Variants in SLC4A4 observed in about 807,000 individuals in gnomAD.
SLC4A4 encodes solute carrier family 4 member 4, also known as electrogenic sodium bicarbonate cotransporter 1.
SLC4A4 carries 27 observed loss-of-function variants against 111.5 expected under a neutral mutation model. The observed-to-expected ratio is 0.24, with a 90% confidence interval of 0.18 to 0.33. The LOEUF (loss-of-function observed/expected upper bound fraction) is 0.33, where lower values mean the gene tolerates loss of function less well. Among genes scored for constraint, SLC4A4 ranks in the 10% least tolerant of loss-of-function variants. The pLI is 1.00. For missense variants in SLC4A4, 909 were observed against 1,315.5 expected (o/e 0.69, Z 4.78); for synonymous variants, 443 against 463.4 (o/e 0.96, Z 0.57).
chr4:71,269,650 G>A (rs966892645), intron 3 of SLC4A4, among the ~76,000 whole-genome samples: 1 of 152,194 alleles, frequency 6.6e-6, no homozygotes, highest in Non-Finnish European at 1.5e-5. Context: ...CATTTGTCAT[G>A]TACTATAGAC....
At chr4:71,561,835 A>C (rs920698053) in intron 23 of SLC4A4, among the ~76,000 whole-genome samples, 6 of 151,852 alleles carry the variant, frequency 4.0e-5, no homozygotes, top group Non-Finnish European at 8.8e-5. Flanking sequence ...ATATTAAAAT[A>C]ATTAAAGCAG....
At chr4:71,379,805 T>C (rs990150415) in intron 6 of SLC4A4, among the ~76,000 whole-genome samples, 1 of 152,132 alleles carries the variant, frequency 6.6e-6, no homozygotes, top group African/African-American at 2.4e-5. Flanking sequence ...TCATCTAGAT[T>C]TCTTTATTTG....
chr4:71,529,538 C>T (rs1733736012), intron 16 of SLC4A4, among the ~76,000 whole-genome samples: 1 of 151,986 alleles, frequency 6.6e-6, no homozygotes, highest in Non-Finnish European at 1.5e-5. Context: ...GCAGGGCGTC[C>T]AGTTTATGGA....
intron 2 of SLC4A4, among the ~76,000 whole-genome samples, chr4:71,167,089 A>T (rs192257216): frequency 6.6e-6 from 1 of 152,286 alleles, no homozygotes; most frequent in Non-Finnish European, 1.5e-5. Flanking sequence ...AGTGGTTAGG[A>T]TTCCAGCTGA....
At chr4:71,146,278 T>C (rs962791920) in intron 2 of SLC4A4, among the ~76,000 whole-genome samples, 20 of 152,250 alleles carry the variant, frequency 1.3e-4, no homozygotes, top group African/African-American at 4.6e-4. Context: ...TTCTTAATTC[T>C]GAGTTCTAGT....
chr4:71,088,550 T>C (rs1466569730), intron 1 of SLC4A4, among the ~76,000 whole-genome samples: 10 of 152,058 alleles, frequency 6.6e-5, no homozygotes, highest in Admixed American at 6.6e-4. Flanking sequence ...TACCAGTTGT[T>C]CCTTTCCATG....
chr4:71,309,859 A>G (rs1725997870), intron 3 of SLC4A4, among the ~76,000 whole-genome samples: 1 of 152,118 alleles, frequency 6.6e-6, no homozygotes, highest in Non-Finnish European at 1.5e-5. Flanking sequence ...AGTAGGCTTC[A>G]GAAAGTGGGT....
At chr4:71,181,088 C>T (rs986783557) in intron 2 of SLC4A4, among the ~76,000 whole-genome samples, 4 of 151,644 alleles carry the variant, frequency 2.6e-5, no homozygotes, top group South Asian at 2.1e-4. Flanking sequence ...AGCCGGAAAC[C>T]ATCACTCTCA....
intron 2 of SLC4A4, among the ~76,000 whole-genome samples, chr4:71,121,069 C>T (rs1297521311): frequency 2.0e-5 from 3 of 152,192 alleles, no homozygotes; most frequent in Non-Finnish European, 2.9e-5. Flanking sequence ...GCTTAGCACC[C>T]AGGCTAGCAG....
intron 1 of SLC4A4, among the ~76,000 whole-genome samples, chr4:71,087,748 G>A (rs1483472793): frequency 1.3e-5 from 2 of 152,176 alleles, no homozygotes; most frequent in South Asian, 2.1e-4. Flanking sequence ...GTTCTAGTTC[G>A]ATTGCACTGT....
At chr4:71,141,460 C>T (rs1743993362) in intron 2 of SLC4A4, among the ~76,000 whole-genome samples, 1 of 152,178 alleles carries the variant, frequency 6.6e-6, no homozygotes, top group Non-Finnish European at 1.5e-5. Context: ...TTTCCCATCT[C>T]AGAAGCTGTG....
intron 6 of SLC4A4, among the ~76,000 whole-genome samples, chr4:71,381,424 A>C (rs1052499819): frequency 6.6e-6 from 1 of 152,106 alleles, no homozygotes. Context: ...ATAGTGGCTC[A>C]GGTTATATTT....
At chr4:71,189,479 G>GATA in intron 1 of SLC4A4, among the ~76,000 whole-genome samples, 1 of 152,148 alleles carries the variant, frequency 6.6e-6, no homozygotes, top group Admixed American at 6.5e-5. Context: ...GATAGAAATC[G>GATA]GGTAACCTTT....
chr4:71,194,133 T>C (rs911586525), intron 1 of SLC4A4, among the ~76,000 whole-genome samples: 7 of 152,230 alleles, frequency 4.6e-5, no homozygotes, highest in Non-Finnish European at 8.8e-5. Context: ...ATTGAACATC[T>C]AGCTCTCTTA....
chr4:71,506,792 A>G (rs906516278), intron 16 of SLC4A4, among the ~76,000 whole-genome samples: 1 of 152,122 alleles, frequency 6.6e-6, no homozygotes, highest in African/African-American at 2.4e-5. Context: ...ACACATAATC[A>G]TCAGATTCTC....
chr4:71,228,928 T>TTCTC (rs1015880298), intron 1 of SLC4A4, among the ~76,000 whole-genome samples: 1 of 152,060 alleles, frequency 6.6e-6, no homozygotes, highest in Non-Finnish European at 1.5e-5. Flanking sequence ...TTGTACTAAT[T>TTCTC]TCTCTCTCTC....
At chr4:71,352,177 GA>G (rs1729901374) in intron 5 of SLC4A4, among the ~76,000 whole-genome samples, 1 of 152,174 alleles carries the variant, frequency 6.6e-6, no homozygotes, top group African/African-American at 2.4e-5. Flanking sequence ...GTTTTTGAGT[GA>G]AAATTGTAAT....
chr4:71,111,646 C>A (rs528287079), intron 2 of SLC4A4, among the ~76,000 whole-genome samples: 1 of 146,726 alleles, frequency 6.8e-6, no homozygotes, highest in Non-Finnish European at 1.5e-5. Flanking sequence ...CTTGGCCTCC[C>A]AAAGTGCTGG....
rs560294744 is a variant in SLC4A4, at chr4:71,225,079, C to T, written c.-1-11497C>T. Among the ~76,000 whole-genome samples, 6 of 152,248 alleles carry T rather than the reference C, an allele frequency of 3.9e-5. 1 individual carries two copies. The highest frequency in any genetic ancestry group is 1.4e-4 in the African/African-American group (6 of 41,558). ...AAATTAATAGATAATGGGCCAGGTGCGGTGGCTCACGCCTGTAATCCCAGC... is the reference window on the plus strand; with the variant it reads ...AAATTAATAGATAATGGGCCAGGTGTGGTGGCTCACGCCTGTAATCCCAGC... On this transcript the variant is annotated intron_variant, in intron 1 of 25. Transcript: ENST00000264485.
Sources: gnomAD v4.1 joint callset for allele counts (sites outside exome capture counted in the v4.1 genomes callset) on GRCh38, gnomAD v4.1.1 for gene constraint, MANE v1.5 for transcripts, NCBI Gene and HGNC (gene_info 2026-07-23, HGNC 2026-07-21) for gene names.